Variants in AFF3 observed in about 807,000 individuals in gnomAD.
AFF3 encodes the protein AF4/FMR2 family member 3.
A neutral mutation model predicts 129.7 loss-of-function variants in AFF3; 32 were observed. The observed-to-expected ratio is 0.25, with a 90% CI of 0.19 to 0.33. The LOEUF (loss-of-function observed/expected upper bound fraction) is 0.33, where lower values mean the gene tolerates loss of function less well. AFF3 is among the 10% of genes least tolerant of loss of function. The pLI is 1.00. For synonymous variants in AFF3, 644 were observed against 635.4 expected, an observed-to-expected ratio of 1.01 and a Z score of -0.20; for missense variants, 1,373 against 1,592.0, an observed-to-expected ratio of 0.86 and a Z score of 2.34.
At chr2:99,688,687 A>T (rs1675312781) in intron 11 of AFF3, among the ~76,000 whole-genome samples, 1 of 152,168 alleles carries the variant, frequency 6.6e-6, no homozygotes. Context: ...ATCCAGCCTC[A>T]GTTTTCTTCT....
intron 9 of AFF3, 84 bp from the exon 10 acceptor site, chr2:99,744,224 T>A: frequency 8.0e-7 from 1 of 1,256,100 alleles, no homozygotes; most frequent in Non-Finnish European, 1.1e-6. Context: ...TTAAAACTGG[T>A]CATTCAGAAC....
chr2:100,103,902 G>A (rs1405897450), intron 4 of AFF3, among the ~76,000 whole-genome samples: 1 of 150,696 alleles, frequency 6.6e-6, no homozygotes, highest in African/African-American at 2.4e-5. Flanking sequence ...GAAGTGGGTG[G>A]GAGAGACAGA....
Position 99,549,042 on chromosome 2 carries a change from G to A in AFF3, c.*2432C>T, listed in dbSNP as rs1309491548. ...ACTGCTGGCCCACCTGTCAAATGGG[G>A]CTTCACAGGGAAGCTCATCACATAG... On this transcript the variant is annotated 3_prime_UTR_variant, in exon 25 of 25. Coordinates refer to ENST00000672756, the MANE Select transcript of AFF3 (RefSeq NM_001386135.1). 1 of 228,604 alleles carries A rather than the reference G, an allele frequency of 4.4e-6. No homozygotes were observed. The highest frequency in any genetic ancestry group is 6.2e-5 in the East Asian group (1 of 16,052). 14.2% of individuals were successfully genotyped at this position (228,604 alleles called of 1,614,324 possible). A position where few individuals can be genotyped will look rare whatever the true frequency, so the allele number is the denominator to read the frequency against.
chr2:99,929,372 T>G (rs1576368808), intron 7 of AFF3, among the ~76,000 whole-genome samples: 1 of 152,120 alleles, frequency 6.6e-6, no homozygotes, highest in East Asian at 1.9e-4. Context: ...TTAGCAAGGG[T>G]GAGAAAATTC....
rs113514935 is a variant in AFF3, at chr2:99,700,363, C to T, written c.1091+26714G>A. 3.5e-4 allele frequency among the ~76,000 whole-genome samples: 53 copies of T among 152,356 alleles called. 1 individual carries two copies. Among genetic ancestry groups the T allele is most frequent in the African/African-American group, 1.2e-3 (51 of 41,592 alleles). ...CTTGAACTCCTGGCCTTGTGATCCA[C>T]CTGCCTTGGCCTCCTACAGTGCTGG... On this transcript the variant is annotated intron_variant, in intron 11 of 24. Coordinates refer to ENST00000672756, the MANE Select transcript of AFF3 (RefSeq NM_001386135.1).
chr2:100,000,430 C>T (rs1002836586), intron 7 of AFF3, among the ~76,000 whole-genome samples: 1 of 151,986 alleles, frequency 6.6e-6, no homozygotes, highest in Non-Finnish European at 1.5e-5. Flanking sequence ...TGATATTAAT[C>T]CAGGATAATC....
In AFF3 at chr2:100,101,601, CTCTT is replaced by C. The variant is rs1211524103; in HGVS notation, c.53+2797_53+2800del. Among the ~76,000 whole-genome samples, 31 of 141,068 alleles carry C rather than the reference CTCTT, an allele frequency of 2.2e-4. No individual in the cohort carries two copies. In the East Asian group the frequency reaches 3.7e-3, roughly 17 times the overall value. The allele number at this position is 141,068 out of a possible 152,430, so 92.5% of individuals were successfully genotyped here. A position where few individuals can be genotyped will look rare whatever the true frequency, so the allele number is the denominator to read the frequency against. ...ATTTTAATACCATTTAGGGCTCTCT[CTCTT>C]TGTTATTTTAGTAGGACCTTAACTT... On this transcript the variant is annotated intron_variant, in intron 4 of 24. Transcript: ENST00000672756.
At chr2:99,854,742 C>G (rs896543955) in intron 7 of AFF3, among the ~76,000 whole-genome samples, 1 of 152,002 alleles carries the variant, frequency 6.6e-6, no homozygotes, top group African/African-American at 2.4e-5. Flanking sequence ...GTCTTGAAAA[C>G]AAAGATGCTA....
intron 8 of AFF3, among the ~76,000 whole-genome samples, chr2:99,832,793 A>G (rs1688601073): frequency 6.6e-6 from 1 of 152,082 alleles, no homozygotes; most frequent in Non-Finnish European, 1.5e-5. Context: ...TTTTGTTTTG[A>G]GTTTATTTTG....
At chr2:99,865,288 CTTCT>C (rs1197772783) in intron 7 of AFF3, among the ~76,000 whole-genome samples, 1 of 152,206 alleles carries the variant, frequency 6.6e-6, no homozygotes, top group Non-Finnish European at 1.5e-5. Flanking sequence ...AATGAGACAG[CTTCT>C]TTGAGTGGAC....
intron 13 of AFF3, among the ~76,000 whole-genome samples, chr2:99,648,917 A>ACACACACACACACACACTCT: frequency 2.1e-4 from 10 of 46,932 alleles, no homozygotes; most frequent in African/African-American, 6.4e-4. Context: ...ACACACACAC[A>ACACACACACACACACACTCT]CTCTCTCTCT....
chr2:100,095,685 C>T (rs1690224947), intron 4 of AFF3, among the ~76,000 whole-genome samples: 1 of 152,186 alleles, frequency 6.6e-6, no homozygotes, highest in Admixed American at 6.5e-5. Context: ...CACTCATGTG[C>T]TTATGTGCAC....
chr2:99,703,717 ACAGAGTCT>A (rs1677095063), intron 11 of AFF3, among the ~76,000 whole-genome samples: 1 of 148,900 alleles, frequency 6.7e-6, no homozygotes, highest in African/African-American at 2.5e-5. Flanking sequence ...TTGTTTAGAG[ACAGAGTCT>A]CACTCTGTCA....
At chr2:100,082,715 G>C (rs898304697) in intron 4 of AFF3, among the ~76,000 whole-genome samples, 2 of 152,148 alleles carry the variant, frequency 1.3e-5, no homozygotes, top group Non-Finnish European at 2.9e-5. Context: ...TCATGGAGTA[G>C]TGACCTAGAC....
intron 18 of AFF3, among the ~76,000 whole-genome samples, chr2:99,571,574 T>C (rs1676480291): frequency 6.6e-6 from 1 of 152,218 alleles, no homozygotes; most frequent in African/African-American, 2.4e-5. Context: ...TTTCTGACCG[T>C]ATCAGAGCAG....
chr2:100,057,058 CACCT>C (rs1354331661), intron 4 of AFF3, among the ~76,000 whole-genome samples: 2 of 152,196 alleles, frequency 1.3e-5, no homozygotes, highest in African/African-American at 4.8e-5. Context: ...GGCATGGTCA[CACCT>C]GTAATCCCAG....
At chr2:100,050,413 T>A (rs1686210599) in intron 4 of AFF3, among the ~76,000 whole-genome samples, 1 of 152,032 alleles carries the variant, frequency 6.6e-6, no homozygotes, top group South Asian at 2.1e-4. Flanking sequence ...TGATCATAGC[T>A]CACTGCCGTC....
chr2:99,881,194 G>T (rs1232612918), intron 7 of AFF3, among the ~76,000 whole-genome samples: 2 of 152,036 alleles, frequency 1.3e-5, no homozygotes, highest in Non-Finnish European at 2.9e-5. Flanking sequence ...ACAGCACAAA[G>T]GACAATAAAA....
At chr2:99,583,982 C>T (rs140602722) in intron 16 of AFF3, among the ~76,000 whole-genome samples, 1,696 of 151,838 alleles carry the variant, frequency 0.011, 25 homozygotes, top group African/African-American at 0.038. Flanking sequence ...GGATTACAGG[C>T]GTGAGCTACC....
Sources: allele counts gnomAD v4.1 joint callset (sites outside exome capture counted in the v4.1 genomes callset), GRCh38; gene constraint gnomAD v4.1.1; transcripts MANE v1.5; gene names NCBI Gene and HGNC (gene_info 2026-07-23, HGNC 2026-07-21).